The following HEATR1 variants were observed in gnomAD, a reference collection of about 807,000 sequenced individuals.
HEATR1 encodes HEAT repeat containing 1.
In HEATR1, 77 loss-of-function variants were observed where a neutral mutation model predicts 248.2. The ratio of observed to expected loss-of-function variants is 0.31; its 90% CI spans 0.26 to 0.37. HEATR1 has a LOEUF of 0.37. HEATR1 is among the 10% of genes least tolerant of loss of function. The pLI is 1.00. For synonymous variants in HEATR1, 897 were observed against 923.1 expected, an observed-to-expected ratio of 0.97 and a Z score of 0.51; for missense variants, 2,420 against 2,504.9, an observed-to-expected ratio of 0.97 and a Z score of 0.72.
chr1:236,593,579 TAAGAGA>T (rs1203382491), intron 9 of HEATR1, among the ~76,000 whole-genome samples: 2,194 of 94,706 alleles, frequency 0.023, 67 homozygotes, highest in African/African-American at 0.094. Flanking sequence ...AGTTGCCCAT[TAAGAGA>T]AAAAAAAAAA....
chr1:236,588,670 A>G (rs1663956058), intron 12 of HEATR1, among the ~76,000 whole-genome samples: 1 of 152,248 alleles, frequency 6.6e-6, no homozygotes, highest in African/African-American at 2.4e-5. Flanking sequence ...AAATAAAAGA[A>G]AACAATGTAT....
intron 43 of HEATR1, chr1:236,552,344 A>C (rs1247829049): frequency 3.3e-6 from 1 of 305,416 alleles, no homozygotes; most frequent in East Asian, 5.3e-5. Context: ...CAGGACTGCA[A>C]ATCTTTAATG....
chr1:236,595,801 C>G, intron 7 of HEATR1, 32 bp downstream of exon 7: 1 of 1,572,334 alleles, frequency 6.4e-7, no homozygotes, highest in East Asian at 2.2e-5. Context: ...TCACCTCTGA[C>G]TAGCACCATT....
chr1:236,580,035 T>C (rs1410269595), intron 20 of HEATR1, among the ~76,000 whole-genome samples: 2 of 152,286 alleles, frequency 1.3e-5, no homozygotes, highest in East Asian at 3.9e-4. Context: ...GTTTGAAGCA[T>C]TAATCATGTC....
At chr1:236,588,689 A>G (rs1259773307) in intron 12 of HEATR1, among the ~76,000 whole-genome samples, 1 of 152,248 alleles carries the variant, frequency 6.6e-6, no homozygotes, top group Non-Finnish European at 1.5e-5. Flanking sequence ...ATATTCATTC[A>G]CAGAGAAAGA....
At chr1:236,559,998 T>C (rs535820589) in intron 33 of HEATR1, among the ~76,000 whole-genome samples, 161 bp from the exon 34 acceptor site, 4 of 152,348 alleles carry the variant, frequency 2.6e-5, no homozygotes, top group African/African-American at 4.8e-5. Context: ...TGAGGGATTA[T>C]TGCCATAGAC....
At position 236,574,194 on chromosome 1, in the gene HEATR1, C is replaced by A; in HGVS notation, c.3459+8G>T. ...AATAAAAAAAATTACAAGAAGTTTGCAGCTTACCCCTTTAAAAACACTGCT... is the reference window on the plus strand; with the variant it reads ...AATAAAAAAAATTACAAGAAGTTTGAAGCTTACCCCTTTAAAAACACTGCT... On this transcript the variant is annotated splice_region_variant and intron_variant, in intron 24 of 44. Transcript: ENST00000366582. The A allele has an allele frequency of 6.3e-7, 1 of 1,584,276 alleles. No homozygotes were observed. Among genetic ancestry groups the A allele is most frequent in the Non-Finnish European group, 8.5e-7 (1 of 1,171,368 alleles).
chr1:236,570,557 C>T (rs932894394), intron 28 of HEATR1, among the ~76,000 whole-genome samples: 2 of 151,998 alleles, frequency 1.3e-5, no homozygotes, highest in African/African-American at 4.8e-5. Flanking sequence ...GATGAAAATA[C>T]TCTTCAAGTA....
In HEATR1 at chr1:236,583,039, A is replaced by G. The variant is rs754053380; in HGVS notation, c.2399T>C (p.Leu800Pro). ...TTTAGGAAAAGATTTAGGAGCTTTC[A>G]GTGCATAAATAAATTTTTTCAAGGA... ...VFSLKKFIYA[L>P]KAPKSFPKGD... The change falls in exon 18 of 45, where the codon CTG becomes CCG. Residue 800 changes from leucine (L) to proline (P), a missense_variant. Leu to Pro is a moderately conservative substitution (Grantham distance 98, BLOSUM62 -3). Coordinates refer to ENST00000366582, the MANE Select transcript of HEATR1 (RefSeq NM_018072.6). 7.4e-6 allele frequency: 12 copies of G among 1,613,970 alleles called. No individual in the cohort carries two copies. The highest frequency in any genetic ancestry group is 9.3e-6 in the Non-Finnish European group (11 of 1,180,004).
At chr1:236,592,933 G>A (rs953894888) in intron 9 of HEATR1, among the ~76,000 whole-genome samples, 84 of 152,272 alleles carry the variant, frequency 5.5e-4, no homozygotes, top group African/African-American at 1.9e-3. Context: ...GCTGGCTCAC[G>A]CCTGTAATCC....
In HEATR1 at chr1:236,585,799, G is replaced by A. The variant is rs563072968; in HGVS notation, c.2049+21C>T. On this transcript the variant is annotated intron_variant, in intron 16 of 44. Coordinates refer to ENST00000366582, the MANE Select transcript of HEATR1 (RefSeq NM_018072.6). ...AGTATGAGAAAGAAATCCAGGGGGT[G>A]GACTTTCAAAGCATACTTACCATCT... 4.4e-6 allele frequency: 7 copies of A among 1,607,668 alleles called. No homozygotes were observed. In the South Asian group the frequency reaches 5.6e-5, roughly 13 times the overall value.
rs529623614 is a variant in HEATR1, at chr1:236,593,198, GAA to G, written c.1194-567_1194-566del. Among the ~76,000 whole-genome samples the G allele has an allele frequency of 1.3e-3, 184 of 138,904 alleles. 2 individuals are homozygous for G. Among genetic ancestry groups the G allele is most frequent in the African/African-American group, 4.4e-3 (173 of 38,930 alleles). 91.1% of individuals were successfully genotyped at this position (138,904 alleles called of 152,430 possible). The stretch of plus-strand genomic sequence containing the variant: ...AATAAGAGCGAAACTCCATCTTAAA[GAA>G]AAAAAAAAAAGGAAAAGAAACTAGA... On this transcript the variant is annotated intron_variant, in intron 9 of 44. Transcript: ENST00000366582.
chr1:236,592,773 TAAAG>T (rs1293501060), intron 9 of HEATR1, 140 bp from the exon 10 acceptor site: 2 of 481,034 alleles, frequency 4.2e-6, no homozygotes, highest in Non-Finnish European at 7.5e-6. Context: ...ATTTTACAGA[TAAAG>T]AAACTAGAGG....
rs1313086830 is a variant in HEATR1 at position 236,561,121 on chromosome 1, C to A, written c.4646+104G>T. 1.2e-5 allele frequency: 10 copies of A among 838,894 alleles called. No individual in the cohort carries two copies. In the East Asian group the frequency reaches 2.0e-4, roughly 17 times the overall value. 52.0% of individuals were successfully genotyped at this position (838,894 alleles called of 1,614,324 possible). A position where few individuals can be genotyped will look rare whatever the true frequency, so the allele number is the denominator to read the frequency against. ...GCAGAAAGTATTATCAAATGGTGAA[C>A]CTGGTTGTAAAGAGTATATGAATTT... On this transcript the variant is annotated intron_variant, in intron 33 of 44. Coordinates refer to ENST00000366582, the MANE Select transcript of HEATR1 (RefSeq NM_018072.6).
chr1:236,578,382 T>C (rs1299693439), intron 20 of HEATR1, among the ~76,000 whole-genome samples: 2 of 152,242 alleles, frequency 1.3e-5, no homozygotes, highest in Admixed American at 1.3e-4. Context: ...TCTAGAATCA[T>C]GTTCAATGAG....
rs1327119522 is a variant in HEATR1, at chr1:236,558,361, T to C, written c.5080A>G (p.Asn1694Asp). The C allele has an allele frequency of 6.2e-7, 1 of 1,614,170 alleles. No individual in the cohort carries two copies. Among genetic ancestry groups the C allele is most frequent in the East Asian group, 2.2e-5 (1 of 44,882 alleles). Residue 1694 changes from asparagine to aspartate, a missense_variant, in exon 36 of 45, where the codon AAC (asparagine) becomes GAC (aspartate). Coordinates refer to ENST00000366582, the MANE Select transcript of HEATR1 (RefSeq NM_018072.6). Reference sequence around the variant, plus strand: ...GGAGCAATCAGTTTCACAGCAGTGTTCAGCACTGGGACAAAAGGATCTGGA... The same window carrying C: ...GGAGCAATCAGTTTCACAGCAGTGTCCAGCACTGGGACAAAAGGATCTGGA... ...ENPDPFVPVL[N>D]TAVKLIAPER...
intron 29 of HEATR1, among the ~76,000 whole-genome samples, chr1:236,568,083 C>T (rs985404135): frequency 3.4e-4 from 51 of 152,220 alleles, no homozygotes; most frequent in African/African-American, 1.2e-3. Context: ...ACATGCTGTG[C>T]ACATTCCTAG....
chr1:236,595,426 GAAC>G lies in HEATR1; in HGVS notation c.1090+111_1090+113del, dbSNP rs1477523345. 8.1e-6 allele frequency: 7 copies of G among 861,806 alleles called. No individual in the cohort carries two copies. The African/African-American group carries it at 1.0e-4, about 13-fold the overall frequency. The allele number at this position is 861,806 out of a possible 1,614,324, so 53.4% of individuals were successfully genotyped here. A position where few individuals can be genotyped will look rare whatever the true frequency, so the allele number is the denominator to read the frequency against. ...CTTAAGAAATAGACAAGTTACACAA[GAAC>G]AACTGGAAAACAGAAATTTTAAATA... On this transcript the variant is annotated intron_variant, in intron 8 of 44. Coordinates refer to ENST00000366582, the MANE Select transcript of HEATR1 (RefSeq NM_018072.6).
intron 10 of HEATR1, 91 bp downstream of exon 10, chr1:236,592,432 C>T (rs1245117519): frequency 4.9e-5 from 33 of 676,548 alleles, no homozygotes; most frequent in Non-Finnish European, 8.5e-5. Flanking sequence ...AGTCTCTGTA[C>T]AATTCAGTAT....
Sources: gnomAD v4.1 joint callset for allele counts (sites outside exome capture counted in the v4.1 genomes callset) on GRCh38, gnomAD v4.1.1 for gene constraint, MANE v1.5 for transcripts, NCBI Gene and HGNC (gene_info 2026-07-23, HGNC 2026-07-21) for gene names.